Variants in CNTNAP2 observed in about 807,000 individuals in gnomAD.
CNTNAP2 encodes the protein contactin-associated protein-like 2.
In CNTNAP2, 98 loss-of-function variants were observed where a neutral mutation model predicts 155.2. The ratio of observed to expected loss-of-function variants is 0.63; its 90% CI spans 0.54 to 0.75. The LOEUF (loss-of-function observed/expected upper bound fraction) is 0.75. Ranked by LOEUF, CNTNAP2 falls within the 30% of genes least tolerant of loss-of-function variation. CNTNAP2 has a pLI of 0.00. For synonymous variants in CNTNAP2, 651 were observed against 631.2 expected (o/e 1.03, Z -0.47); for missense variants, 1,727 against 1,688.1 (o/e 1.02, Z -0.40).
At chr7:147,946,745 T>A (rs529795785) in intron 14 of CNTNAP2, among the ~76,000 whole-genome samples, 16 of 152,170 alleles carry the variant, frequency 1.1e-4, no homozygotes, top group Admixed American at 2.0e-4. Context: ...TCCGTCTGGG[T>A]CTCTAGATTT....
intron 1 of CNTNAP2, among the ~76,000 whole-genome samples, chr7:146,576,130 C>G (rs142567850): frequency 1.9e-3 from 292 of 152,188 alleles, no homozygotes; most frequent in African/African-American, 6.5e-3. Flanking sequence ...TGTTAACATA[C>G]TAAAAGGATC....
intron 1 of CNTNAP2, among the ~76,000 whole-genome samples, chr7:146,265,299 A>C (rs576944623): frequency 1.1e-4 from 16 of 152,138 alleles, no homozygotes; most frequent in Non-Finnish European, 1.9e-4. Flanking sequence ...ATAACATTTA[A>C]AGTGTTATAA....
rs1024386705 is a variant in CNTNAP2, at chr7:146,821,785, C to G, written c.209-17926C>G. On this transcript the variant is annotated intron_variant, in intron 2 of 23. Transcript: ENST00000361727. ...AACCACAATGAGATACCATCTCACA[C>G]CAGTTAGAATGGCAATCATTAAAAA... 5.3e-4 allele frequency among the ~76,000 whole-genome samples: 81 copies of G among 151,938 alleles called. No individual in the cohort carries two copies. The East Asian group carries it at 6.2e-3, about 12-fold the overall frequency.
chr7:146,242,978 G>C (rs1799587945), intron 1 of CNTNAP2, among the ~76,000 whole-genome samples: 2 of 152,012 alleles, frequency 1.3e-5, no homozygotes, highest in African/African-American at 4.8e-5. Flanking sequence ...TAACAATTTT[G>C]TGCTCTCTCA....
At chr7:148,124,194 GAAGTA>G (rs1395161029) in intron 16 of CNTNAP2, among the ~76,000 whole-genome samples, 1 of 152,218 alleles carries the variant, frequency 6.6e-6, no homozygotes, top group African/African-American at 2.4e-5. Context: ...GGAAGAGGCG[GAAGTA>G]AAGAGAACAG....
At chr7:146,940,768 C>T (rs928510816) in intron 3 of CNTNAP2, among the ~76,000 whole-genome samples, 7 of 150,398 alleles carry the variant, frequency 4.7e-5, no homozygotes, top group African/African-American at 1.5e-4. Context: ...TATATACAGT[C>T]GTATACATAC....
chr7:147,345,868 T>C (rs17133820), intron 9 of CNTNAP2, among the ~76,000 whole-genome samples: 24,149 of 152,160 alleles, frequency 0.16, 2,032 homozygotes, highest in Middle Eastern at 0.18. Context: ...AGTTATTTTG[T>C]AGCAAGGAAC....
Position 147,007,444 on chromosome 7 carries a change from A to G in CNTNAP2, c.403-36463A>G, listed in dbSNP as rs1798545685. On this transcript the variant is annotated intron_variant, in intron 3 of 23. Transcript: ENST00000361727. ...GCTACCTACTCTAATGCTTTTCTTC[A>G]TACAAATAAATGCAGTAACTTGTCA... 2.0e-5 allele frequency among the ~76,000 whole-genome samples: 3 copies of G among 152,106 alleles called. No individual in the cohort carries two copies. The South Asian group carries it at 6.2e-4, about 31-fold the overall frequency.
At position 147,039,699 on chromosome 7, in the gene CNTNAP2, A is replaced by G. The variant is rs151160085; in HGVS notation, c.403-4208A>G. Among the ~76,000 whole-genome samples, 31 of 150,922 alleles carry G rather than the reference A, an allele frequency of 2.1e-4. No homozygotes were observed. The East Asian group carries it at 6.4e-3, about 31-fold the overall frequency. ...CTCTGAGTATATTCCCCATAATGGG[A>G]TTGCTGGGTCAAATGGTAGTTTTTC... On this transcript the variant is annotated intron_variant, in intron 3 of 23. Coordinates refer to ENST00000361727, the MANE Select transcript of CNTNAP2 (RefSeq NM_014141.6).
chr7:147,725,841 G>A (rs562804269), intron 13 of CNTNAP2, among the ~76,000 whole-genome samples: 1 of 152,150 alleles, frequency 6.6e-6, no homozygotes, highest in Admixed American at 6.6e-5. Context: ...GCTGCTATAG[G>A]CCTCTTTTCT....
chr7:146,700,655 T>G (rs964646227), intron 1 of CNTNAP2, among the ~76,000 whole-genome samples: 6 of 152,108 alleles, frequency 3.9e-5, no homozygotes, highest in African/African-American at 1.4e-4. Context: ...ATTTGCATCT[T>G]TGTATTATTT....
intron 13 of CNTNAP2, among the ~76,000 whole-genome samples, chr7:147,658,356 T>C (rs542940480): frequency 6.6e-6 from 1 of 151,994 alleles, no homozygotes; most frequent in Non-Finnish European, 1.5e-5. Context: ...CCACAGACTC[T>C]AGTTCAATCA....
intron 12 of CNTNAP2, among the ~76,000 whole-genome samples, chr7:147,571,479 CT>C (rs1472725122): frequency 5.3e-5 from 8 of 151,982 alleles, no homozygotes; most frequent in Admixed American, 5.3e-4. Flanking sequence ...TTGAGCCCAG[CT>C]TTCAGAATAA....
intron 16 of CNTNAP2, among the ~76,000 whole-genome samples, chr7:148,120,874 C>T (rs1448987229): frequency 6.6e-6 from 1 of 152,044 alleles, no homozygotes; most frequent in Non-Finnish European, 1.5e-5. Context: ...TCATCTCCAT[C>T]AGGGTTCAAA....
chr7:147,507,802 C>T (rs761515866), intron 11 of CNTNAP2, among the ~76,000 whole-genome samples: 1 of 152,040 alleles, frequency 6.6e-6, no homozygotes, highest in South Asian at 2.1e-4. Flanking sequence ...CGGCCTGCCT[C>T]GTCCTCCCAA....
chr7:146,953,459 TATTGC>T (rs1369973395), intron 3 of CNTNAP2, among the ~76,000 whole-genome samples: 2 of 152,004 alleles, frequency 1.3e-5, no homozygotes, highest in African/African-American at 4.8e-5. Context: ...TTACATAAAT[TATTGC>T]ATTTGTCATT....
chr7:146,902,761 T>C (rs1265856159), intron 3 of CNTNAP2, among the ~76,000 whole-genome samples: 5 of 152,220 alleles, frequency 3.3e-5, no homozygotes, highest in Non-Finnish European at 5.9e-5. Context: ...CTCACTTTCT[T>C]ATCCCCACCA....
chr7:146,615,458 T>C (rs1799208898), intron 1 of CNTNAP2, among the ~76,000 whole-genome samples: 1 of 152,224 alleles, frequency 6.6e-6, no homozygotes, highest in Non-Finnish European at 1.5e-5. Context: ...AACAAGATAT[T>C]AAATATCTTC....
chr7:146,418,724 A>G (rs1795970594), intron 1 of CNTNAP2, among the ~76,000 whole-genome samples: 1 of 152,146 alleles, frequency 6.6e-6, no homozygotes, highest in South Asian at 2.1e-4. Flanking sequence ...CCTCTGCAAA[A>G]TATTGTTATG....
Sources: allele counts gnomAD v4.1 joint callset (sites outside exome capture counted in the v4.1 genomes callset), GRCh38; gene constraint gnomAD v4.1.1; transcripts MANE v1.5; gene names NCBI Gene and HGNC (gene_info 2026-07-23, HGNC 2026-07-21).